The following NDUFV1 variants were observed in gnomAD, a reference collection of about 807,000 sequenced individuals.
NDUFV1 encodes NADH dehydrogenase [ubiquinone] flavoprotein 1, mitochondrial.
Under a neutral mutation model 48.7 loss-of-function variants are expected in NDUFV1, and 41 were observed. The observed-to-expected ratio is 0.84, with a 90% CI of 0.66 to 1.09. NDUFV1 has a LOEUF of 1.09. Ranked by LOEUF, NDUFV1 falls within the 50% of genes least tolerant of loss-of-function variation. The pLI is 0.00. For synonymous variants in NDUFV1, 231 were observed against 259.1 expected (o/e 0.89, Z 1.04); for missense variants, 580 against 645.4 (o/e 0.90, Z 1.10).
chr11:67,607,016 A>G lies in NDUFV1; in HGVS notation c.12A>G (p.Thr4=). The G allele has an allele frequency of 6.2e-7, 1 of 1,610,552 alleles. No individual in the cohort carries two copies. Among genetic ancestry groups the G allele is most frequent in the African/African-American group, 1.3e-5 (1 of 75,014 alleles). ...TCTGGCCCGCCGCGATGCTGGCAACACGGCGGCTGCTCGGCTGGTCGCTTC... is the reference window on the plus strand; with the variant it reads ...TCTGGCCCGCCGCGATGCTGGCAACGCGGCGGCTGCTCGGCTGGTCGCTTC... MLA[T]RRLLGWSLPA... is the part of the protein sequence containing the mutation. Residue 4 remains threonine (T), a synonymous_variant, in exon 1 of 10, where the codon ACA becomes ACG. Transcript: ENST00000322776.
chr11:67,608,488 T>C lies in NDUFV1; in HGVS notation c.155+10T>C, dbSNP rs776271506. 1.2e-6 allele frequency: 2 copies of C among 1,614,184 alleles called. No homozygotes were observed. Among genetic ancestry groups the C allele is most frequent in the South Asian group, 2.2e-5 (2 of 91,082 alleles). The stretch of plus-strand genomic sequence containing the variant: ...GCCGCCATGACTGGAGGTGAGACAG[T>C]GCCCTTAGTGTGTTGGGTCCCGGAG... On this transcript the variant is annotated intron_variant, in intron 2 of 9. Transcript: ENST00000322776.
At position 67,608,555 on chromosome 11, in the gene NDUFV1, G is replaced by T; in HGVS notation, c.159G>T (p.Leu53=). 1 of 1,614,252 alleles carries T rather than the reference G, an allele frequency of 6.2e-7. No homozygotes were observed. Among genetic ancestry groups the T allele is most frequent in the Non-Finnish European group, 8.5e-7 (1 of 1,180,046 alleles). The change falls in exon 3 of 10, where the codon CTG becomes CTT. Residue 53 remains leucine (L), a synonymous_variant. Coordinates refer to ENST00000322776, the MANE Select transcript of NDUFV1 (RefSeq NM_007103.4). ...TNLYGRHDWR[L]KGSLSRGDWY... is the part of the protein sequence containing the mutation. Reference sequence around the variant, plus strand: ...TTGCCTTCCCTATTCTGTCCAGGCTGAAAGGTTCCCTGAGTCGAGGTGACT... The same window carrying T: ...TTGCCTTCCCTATTCTGTCCAGGCTTAAAGGTTCCCTGAGTCGAGGTGACT...
chr11:67,610,174 C>A, intron 4 of NDUFV1: 1 of 599,060 alleles, frequency 1.7e-6, no homozygotes, highest in Non-Finnish European at 3.0e-6. Flanking sequence ...GGCAGCAAAG[C>A]AGCTTACTTA....
intron 3 of NDUFV1, 104 bp downstream of exon 3, chr11:67,608,826 T>A: frequency 6.6e-7 from 1 of 1,514,320 alleles, no homozygotes; most frequent in Non-Finnish European, 9.0e-7. Flanking sequence ...TTAGCATGAA[T>A]GAGGTGGGCA....
chr11:67,606,946 TTCCTCA>T lies in NDUFV1; in HGVS notation c.-58_-53del. 6.4e-7 allele frequency: 1 copy of T among 1,563,544 alleles called. No individual in the cohort carries two copies. ...CCACCTAGCGTCTCTATCGCGCCAG[TTCCTCA>T]GCCTCAGTGCTATGAAGGTGACAGC... On this transcript the variant is annotated 5_prime_UTR_variant, in exon 1 of 10. Transcript: ENST00000322776.
At chr11:67,607,873 T>G (rs1431175668) in intron 1 of NDUFV1, among the ~76,000 whole-genome samples, 53 of 152,346 alleles carry the variant, frequency 3.5e-4, no homozygotes, top group Non-Finnish European at 4.4e-5. Context: ...TCAGAGTTCT[T>G]ATGAGGATGA....
At chr11:67,607,593 A>G (rs1279744939) in intron 1 of NDUFV1, 1 of 422,638 alleles carries the variant, frequency 2.4e-6, no homozygotes, top group Admixed American at 2.7e-5. Flanking sequence ...CCATCAGTAA[A>G]CACATTTCGC....
Position 67,611,507 on chromosome 11 carries a change from G to A in NDUFV1, c.1018G>A (p.Asp340Asn), listed in dbSNP as rs1279954342. 5.0e-6 allele frequency: 8 copies of A among 1,613,550 alleles called. No homozygotes were observed. Among genetic ancestry groups the A allele is most frequent in the Admixed American group, 3.3e-5 (2 of 59,904 alleles). Reference protein sequence around the residue: ...SVCETVLMDFDALVQAQTGLG... With the variant: ...SVCETVLMDFNALVQAQTGLG... The stretch of plus-strand genomic sequence containing the variant: ...GTGTGAGACGGTGCTGATGGACTTC[G>A]ATGCGCTGGTGCAGGCACAGACAGG... Residue 340 changes from aspartate to asparagine, a missense_variant, in exon 7 of 10, where the codon GAT (aspartate) becomes AAT (asparagine). Transcript: ENST00000322776. The surrounding 1 kb of genome is among the most constrained non-coding windows in gnomAD (Gnocchi z 4.2).
At position 67,611,738 on chromosome 11, in the gene NDUFV1, G is replaced by A; in HGVS notation, c.1081-159G>A. The A allele has an allele frequency of 7.3e-7, 1 of 1,376,142 alleles. No homozygotes were observed. Among genetic ancestry groups the A allele is most frequent in the Non-Finnish European group, 1.0e-6 (1 of 994,532 alleles). The allele number at this position is 1,376,142 out of a possible 1,614,324, so 85.2% of individuals were successfully genotyped here. A position where few individuals can be genotyped will look rare whatever the true frequency, so the allele number is the denominator to read the frequency against. ...GCTGCTCTGAGGAGAATACCCCGGAGTCTGGGCAGCACAGGGGGCCCAGGG... is the reference window on the plus strand; with the variant it reads ...GCTGCTCTGAGGAGAATACCCCGGAATCTGGGCAGCACAGGGGGCCCAGGG... On this transcript the variant is annotated intron_variant, in intron 7 of 9. Transcript: ENST00000322776. The surrounding 1 kb of genome is among the most constrained non-coding windows in gnomAD (Gnocchi z 4.2).
intron 5 of NDUFV1, 49 bp from the exon 6 acceptor site, chr11:67,610,945 AC>A (rs1854901952): frequency 1.3e-6 from 2 of 1,583,504 alleles, no homozygotes; most frequent in African/African-American, 2.7e-5. Context: ...CTGCCAGGAA[AC>A]TTGCCCCACC....
chr11:67,612,208 G>C lies in NDUFV1; in HGVS notation c.1251G>C (p.Lys417Asn). 1 of 1,613,760 alleles carries C rather than the reference G, an allele frequency of 6.2e-7. No homozygotes were observed. The highest frequency in any genetic ancestry group is 8.5e-7 in the Non-Finnish European group (1 of 1,179,920). The part of the protein sequence containing the change: ...AEIDSLWEIS[K>N]QIEGHTICAL... The stretch of plus-strand genomic sequence containing the variant: ...TCGACTCCCTGTGGGAGATCAGCAA[G>C]CAGATAGAAGGCCATACGATTTGTG... The change falls in exon 9 of 10, where the codon AAG (lysine) becomes AAC (asparagine). Residue 417 changes from lysine to asparagine, a missense_variant. Lys to Asn is a moderately conservative substitution (Grantham distance 94, BLOSUM62 0). Coordinates refer to ENST00000322776, the MANE Select transcript of NDUFV1 (RefSeq NM_007103.4). The surrounding 1 kb of genome is among the most constrained non-coding windows in gnomAD (Gnocchi z 4.4).
At chr11:67,609,831 G>A (rs1854879032) in intron 4 of NDUFV1, 196 bp downstream of exon 4, 1 of 556,586 alleles carries the variant, frequency 1.8e-6, no homozygotes, top group Admixed American at 3.6e-5. Context: ...AATGCTGCTG[G>A]TGTAAATTTT....
chr11:67,610,814 G>A (rs1009813744), intron 5 of NDUFV1, 181 bp from the exon 6 acceptor site: 13 of 772,192 alleles, frequency 1.7e-5, no homozygotes, highest in Non-Finnish European at 2.6e-5. Context: ...TGAGGCTAAG[G>A]GCATGGGGTG....
rs760876653 is a variant in NDUFV1 at position 67,610,377 on chromosome 11, G to T, written c.511-4G>T. 5.6e-6 allele frequency: 9 copies of T among 1,614,168 alleles called. No individual in the cohort carries two copies. Among genetic ancestry groups the T allele is most frequent in the Non-Finnish European group, 5.9e-6 (7 of 1,180,022 alleles). On this transcript the variant is annotated splice_polypyrimidine_tract_variant and splice_region_variant and intron_variant, in intron 4 of 9. Coordinates refer to ENST00000322776, the MANE Select transcript of NDUFV1 (RefSeq NM_007103.4). ...GCTGGGAAACTCACACCTTTGTCCT[G>T]CAGGTGGCCATCCGAGAGGCCTATG...
chr11:67,611,432 C>T lies in NDUFV1; in HGVS notation c.943C>T (p.Leu315Phe). Residue 315 changes from leucine to phenylalanine, a missense_variant, in exon 7 of 10, where the codon CTT becomes TTT. Transcript: ENST00000322776. This position sits in a 1 kb window ranked among gnomAD's most constrained non-coding sequence, Gnocchi z 4.2. Reference protein sequence around the residue: ...GGVTGGWDNLLAVIPGGSSTP... With the variant: ...GGVTGGWDNLFAVIPGGSSTP... The stretch of plus-strand genomic sequence containing the variant: ...TGTCACGGGCGGCTGGGACAACCTC[C>T]TTGCTGTGATCCCTGGCGGCTCGTC... 6.2e-7 allele frequency: 1 copy of T among 1,614,096 alleles called. No individual in the cohort carries two copies. The highest frequency in any genetic ancestry group is 8.5e-7 in the Non-Finnish European group (1 of 1,179,994).
rs150327486 is a variant in NDUFV1 at position 67,610,386 on chromosome 11, C to T, written c.516C>T (p.Ala172=). Residue 172 remains alanine (A), a synonymous_variant, in exon 5 of 10, where the codon GCC becomes GCT. Transcript: ENST00000322776. ...CTCACACCTTTGTCCTGCAGGTGGC[C>T]ATCCGAGAGGCCTATGAGGCAGGTC... is the stretch of plus-strand genomic sequence containing the variant. ...FYNEASNLQV[A]IREAYEAGLI... The T allele has an allele frequency of 5.0e-6, 8 of 1,614,038 alleles. No individual in the cohort carries two copies. Among genetic ancestry groups the T allele is most frequent in the Non-Finnish European group, 6.8e-6 (8 of 1,180,028 alleles).
intron 1 of NDUFV1, chr11:67,607,660 G>C (rs1048065875): frequency 2.8e-6 from 1 of 356,000 alleles, no homozygotes. Context: ...TTTTGGTCCA[G>C]CAGGGGAGCC....
intron 1 of NDUFV1, chr11:67,607,509 C>T: frequency 4.3e-6 from 2 of 462,656 alleles, no homozygotes; most frequent in South Asian, 3.1e-5. Flanking sequence ...GCGCTCTCCA[C>T]TGGGTCGTGG....
chr11:67,612,168 C>G lies in NDUFV1; in HGVS notation c.1211C>G (p.Ala404Gly). Residue 404 changes from alanine (A) to glycine (G), a missense_variant, in exon 9 of 10, where the codon GCC (alanine) becomes GGC (glycine). Coordinates refer to ENST00000322776, the MANE Select transcript of NDUFV1 (RefSeq NM_007103.4). This position sits in a 1 kb window ranked among gnomAD's most constrained non-coding sequence, Gnocchi z 4.4. The stretch of plus-strand genomic sequence containing the variant: ...ATGGCACGTTTCGTGAGGGGGGATG[C>G]CCGGCCGGCCGAGATCGACTCCCTG... ...KVMARFVRGD[A>G]RPAEIDSLWE... 4 of 1,613,494 alleles carry G rather than the reference C, an allele frequency of 2.5e-6. No homozygotes were observed. Among genetic ancestry groups the G allele is most frequent in the Non-Finnish European group, 3.4e-6 (4 of 1,179,910 alleles).
Sources: allele counts gnomAD v4.1 joint callset (sites outside exome capture counted in the v4.1 genomes callset), GRCh38; gene constraint gnomAD v4.1.1; non-coding constraint Gnocchi (gnomAD v3.1); transcripts MANE v1.5; gene names NCBI Gene and HGNC (gene_info 2026-07-23, HGNC 2026-07-21).